GFRA1: variants seen among roughly 807,000 people sequenced by gnomAD.
GFRA1 encodes GDNF family receptor alpha 1, also known as GDNF family receptor alpha-1.
GFRA1 carries 16 observed loss-of-function variants against 51.6 expected under a neutral mutation model. The observed-to-expected ratio is 0.31, with a 90% CI of 0.21 to 0.47. GFRA1 has a LOEUF of 0.47. Ranked by LOEUF, GFRA1 falls within the 20% of genes least tolerant of loss-of-function variation. The pLI is 1.00. For synonymous variants in GFRA1, 270 were observed against 241.3 expected (o/e 1.12, Z -1.10); for missense variants, 530 against 594.3 (o/e 0.89, Z 1.13).
intron 5 of GFRA1, among the ~76,000 whole-genome samples, chr10:116,200,888 G>C (rs758658845): frequency 7.2e-4 from 109 of 152,306 alleles, no homozygotes; most frequent in Non-Finnish European, 1.4e-3. Context: ...GGGAGAAAGC[G>C]AGTTAATGTA....
chr10:116,129,785 G>A (rs1326035392), intron 5 of GFRA1, among the ~76,000 whole-genome samples: 1 of 151,942 alleles, frequency 6.6e-6, no homozygotes, highest in Non-Finnish European at 1.5e-5. Flanking sequence ...CATAGTGTTT[G>A]TACACATTTA....
At chr10:116,193,151 A>T (rs1589859458) in intron 5 of GFRA1, among the ~76,000 whole-genome samples, 2 of 152,310 alleles carry the variant, frequency 1.3e-5, no homozygotes, top group African/African-American at 4.8e-5. Context: ...ATTACAAAAT[A>T]AAAATAGATT....
chr10:116,138,164 A>G (rs1958412311), intron 5 of GFRA1, among the ~76,000 whole-genome samples: 1 of 152,096 alleles, frequency 6.6e-6, no homozygotes, highest in African/African-American at 2.4e-5. Flanking sequence ...CATTGGGTTA[A>G]TAAAACTTTG....
chr10:116,150,916 T>G (rs1959036627), intron 5 of GFRA1, among the ~76,000 whole-genome samples: 1 of 152,188 alleles, frequency 6.6e-6, no homozygotes, highest in Non-Finnish European at 1.5e-5. Context: ...TTTTATATTT[T>G]ATTTTCGCAT....
chr10:116,128,764 A>AC (rs1957981994), intron 5 of GFRA1, among the ~76,000 whole-genome samples: 1 of 150,432 alleles, frequency 6.6e-6, no homozygotes, highest in Admixed American at 6.6e-5. Flanking sequence ...GGCCTAGGTT[A>AC]TACCTTCTTT....
rs749658024 is a variant in GFRA1 at position 116,058,141 on chromosome 10, C to G, written c.*6257G>C. ...GCACTGCCACAGTCACCCGGTCTCG[C>G]CCCAGGTAATCAACCTTTACTGATT... On this transcript the variant is annotated 3_prime_UTR_variant, in exon 11 of 11. Coordinates refer to ENST00000355422, the MANE Select transcript of GFRA1 (RefSeq NM_005264.8). 1.3e-5 allele frequency: 2 copies of G among 152,062 alleles called. No individual in the cohort carries two copies. Among genetic ancestry groups the G allele is most frequent in the Non-Finnish European group, 2.9e-5 (2 of 68,070 alleles). The allele number at this position is 152,062 out of a possible 1,614,324, so 9.4% of individuals were successfully genotyped here.
chr10:116,167,585 T>C (rs998861056), intron 5 of GFRA1, among the ~76,000 whole-genome samples: 5 of 152,184 alleles, frequency 3.3e-5, no homozygotes, highest in Admixed American at 3.3e-4. Context: ...CTTTTTTTTT[T>C]TTCCTTCCCA....
chr10:116,084,111 C>T (rs368292958), intron 9 of GFRA1, among the ~76,000 whole-genome samples: 48 of 152,148 alleles, frequency 3.2e-4, no homozygotes, highest in African/African-American at 1.1e-3. Flanking sequence ...CAAAGAGGGG[C>T]CCACGGTGTC....
chr10:116,139,820 G>A (rs563011218), intron 5 of GFRA1, among the ~76,000 whole-genome samples: 8 of 152,324 alleles, frequency 5.3e-5, no homozygotes, highest in African/African-American at 1.9e-4. Flanking sequence ...GCACAGCCTG[G>A]GTCCCTGCCC....
chr10:116,218,826 C>G (rs1446977315), intron 4 of GFRA1, among the ~76,000 whole-genome samples: 1 of 152,188 alleles, frequency 6.6e-6, no homozygotes, highest in South Asian at 2.1e-4. Flanking sequence ...TTATCTCACT[C>G]TGCCTTTTCT....
chr10:116,144,548 T>C (rs1958713010), intron 5 of GFRA1, among the ~76,000 whole-genome samples: 1 of 152,062 alleles, frequency 6.6e-6, no homozygotes, highest in African/African-American at 2.4e-5. Context: ...GATATCATAA[T>C]ATAATATTCA....
intron 4 of GFRA1, among the ~76,000 whole-genome samples, chr10:116,224,241 T>C (rs895901807): frequency 2.6e-5 from 4 of 152,220 alleles, no homozygotes; most frequent in African/African-American, 7.2e-5. Context: ...ACACTGCTGA[T>C]GGGACTGTCA....
intron 5 of GFRA1, among the ~76,000 whole-genome samples, chr10:116,205,720 A>G (rs1964696518): frequency 6.6e-6 from 1 of 151,928 alleles, no homozygotes; most frequent in South Asian, 2.1e-4. Context: ...ATTTTGAAAG[A>G]CAAGTTAGCG....
rs979737443 is a variant in GFRA1, at chr10:116,062,721, A to C, written c.*1677T>G. On this transcript the variant is annotated 3_prime_UTR_variant, in exon 11 of 11. Coordinates refer to ENST00000355422, the MANE Select transcript of GFRA1 (RefSeq NM_005264.8). ...TCCTCCTCTTTACTTAATGTTGGAG[A>C]AAAGTGGCCACCAGTACTCGATCAT... 6.6e-6 allele frequency: 1 copy of C among 152,172 alleles called. No homozygotes were observed. Among genetic ancestry groups the C allele is most frequent in the African/African-American group, 2.4e-5 (1 of 41,434 alleles). 9.4% of individuals were successfully genotyped at this position (152,172 alleles called of 1,614,324 possible). A position where few individuals can be genotyped will look rare whatever the true frequency, so the allele number is the denominator to read the frequency against.
chr10:116,115,595 G>A (rs984153082), intron 6 of GFRA1, among the ~76,000 whole-genome samples: 5 of 152,278 alleles, frequency 3.3e-5, no homozygotes, highest in Admixed American at 6.5e-5. Context: ...TAACTAAGGG[G>A]ACAGATTTCC....
chr10:116,117,992 C>T (rs1476300310), intron 6 of GFRA1, among the ~76,000 whole-genome samples: 1 of 151,950 alleles, frequency 6.6e-6, no homozygotes, highest in Non-Finnish European at 1.5e-5. Flanking sequence ...ACACCTGGTG[C>T]TCCCGAGATT....
At chr10:116,244,410 A>T (rs924558068) in intron 4 of GFRA1, among the ~76,000 whole-genome samples, 2 of 147,096 alleles carry the variant, frequency 1.4e-5, no homozygotes, top group African/African-American at 4.9e-5. Flanking sequence ...AATAATTAAA[A>T]TTTAATTTTA....
chr10:116,115,805 G>A (rs1170884419), intron 6 of GFRA1, among the ~76,000 whole-genome samples: 1 of 152,202 alleles, frequency 6.6e-6, no homozygotes, highest in East Asian at 1.9e-4. Context: ...GCCTGGGCTT[G>A]AGGGGCTTGC....
chr10:116,112,684 G>T (rs1278421931), intron 6 of GFRA1, among the ~76,000 whole-genome samples: 1 of 152,202 alleles, frequency 6.6e-6, no homozygotes, highest in Non-Finnish European at 1.5e-5. Flanking sequence ...GAGCTGTCAG[G>T]AGGGCATCTC....
Sources: allele counts gnomAD v4.1 joint callset (sites outside exome capture counted in the v4.1 genomes callset), GRCh38; gene constraint gnomAD v4.1.1; transcripts MANE v1.5; gene names NCBI Gene and HGNC (gene_info 2026-07-23, HGNC 2026-07-21).